NAALADL2: variants seen among roughly 807,000 people sequenced by gnomAD.
The protein encoded by NAALADL2 is inactive N-acetylated-alpha-linked acidic dipeptidase-like protein 2.
A neutral mutation model predicts 87.2 loss-of-function variants in NAALADL2; 76 were observed. The ratio of observed to expected loss-of-function variants is 0.87; its 90% CI spans 0.72 to 1.05. The LOEUF (loss-of-function observed/expected upper bound fraction) is 1.05. NAALADL2 is among the 50% of genes least tolerant of loss of function. The pLI is 0.00. For missense variants in NAALADL2, 1,089 were observed against 945.8 expected, an observed-to-expected ratio of 1.15 and a Z score of -1.99; for synonymous variants, 354 against 331.0, an observed-to-expected ratio of 1.07 and a Z score of -0.75.
At chr3:175,075,515 G>C (rs935393331) in intron 1 of NAALADL2, among the ~76,000 whole-genome samples, 38 of 152,234 alleles carry the variant, frequency 2.5e-4, no homozygotes, top group Non-Finnish European at 4.7e-4. Context: ...AAATAGTGAT[G>C]CAATTTTCAT....
intron 11 of NAALADL2, among the ~76,000 whole-genome samples, chr3:175,728,350 A>G (rs1743217464): frequency 6.6e-6 from 1 of 152,168 alleles, no homozygotes; most frequent in South Asian, 2.1e-4. Context: ...TTATGGATAC[A>G]TGTATTTTGT....
At chr3:175,753,245 G>A (rs990010177) in intron 12 of NAALADL2, among the ~76,000 whole-genome samples, 2 of 152,092 alleles carry the variant, frequency 1.3e-5, no homozygotes, top group Non-Finnish European at 1.5e-5. Context: ...CTTCTACCAC[G>A]ATTTTTAACT....
chr3:175,144,641 C>T (rs1730501965), intron 2 of NAALADL2, among the ~76,000 whole-genome samples: 1 of 151,890 alleles, frequency 6.6e-6, no homozygotes, highest in Non-Finnish European at 1.5e-5. Context: ...ATGCTATATA[C>T]AGAATTTTGT....
chr3:175,392,125 T>C (rs1769155472), intron 5 of NAALADL2, among the ~76,000 whole-genome samples: 1 of 152,232 alleles, frequency 6.6e-6, no homozygotes, highest in Non-Finnish European at 1.5e-5. Context: ...AATGACATGA[T>C]TTCAGCCTTC....
intron 11 of NAALADL2, among the ~76,000 whole-genome samples, chr3:175,669,858 T>A (rs1158533991): frequency 6.6e-6 from 1 of 152,056 alleles, no homozygotes; most frequent in Non-Finnish European, 1.5e-5. Context: ...TGAAATAGTA[T>A]TTCATAAGTG....
intron 5 of NAALADL2, among the ~76,000 whole-genome samples, chr3:175,397,614 A>C (rs1261986431): frequency 6.6e-6 from 1 of 152,130 alleles, no homozygotes; most frequent in Non-Finnish European, 1.5e-5. Flanking sequence ...GTCCCTTCTT[A>C]TTCTCTAACA....
At position 174,494,959 on chromosome 3, in the gene NAALADL2, A is replaced by G. The variant is rs567089550; in HGVS notation, c.-184+53927A>G. Among the ~76,000 whole-genome samples, 4 of 152,300 alleles carry G rather than the reference A, an allele frequency of 2.6e-5. No homozygotes were observed. The East Asian group carries it at 7.7e-4, about 29-fold the overall frequency. ...TGGAGAATTTGCTTTGTGCAAATTTATATTCAGTCCAGTGGCAGCTTGCCC... is the reference window on the plus strand; with the variant it reads ...TGGAGAATTTGCTTTGTGCAAATTTGTATTCAGTCCAGTGGCAGCTTGCCC... On this transcript the variant is annotated intron_variant, in intron 1 of 3. Coordinates refer to the NAALADL2 transcript ENST00000434257.
chr3:174,631,070 T>C (rs60507456), intron 2 of NAALADL2, among the ~76,000 whole-genome samples: 4,105 of 152,208 alleles, frequency 0.027, 122 homozygotes, highest in African/African-American at 0.07. Flanking sequence ...CTATAGATTC[T>C]GCACATATTA....
At chr3:175,561,469 A>C (rs966303522) in intron 9 of NAALADL2, among the ~76,000 whole-genome samples, 1 of 152,174 alleles carries the variant, frequency 6.6e-6, no homozygotes, top group Non-Finnish European at 1.5e-5. Flanking sequence ...ACCCAAAAAC[A>C]TAGTACCTGC....
chr3:174,689,170 TTC>T (rs1728323907), intron 2 of NAALADL2, among the ~76,000 whole-genome samples: 1 of 152,106 alleles, frequency 6.6e-6, no homozygotes, highest in Admixed American at 6.6e-5. Flanking sequence ...CCTGTTTTAT[TTC>T]TCTCTCATGA....
chr3:174,925,063 T>G (rs939495054), intron 1 of NAALADL2, among the ~76,000 whole-genome samples: 2 of 152,194 alleles, frequency 1.3e-5, no homozygotes, highest in African/African-American at 4.8e-5. Context: ...GTGTGTAAGC[T>G]CTTTCGTTTA....
chr3:175,394,715 C>T (rs1769538438), intron 5 of NAALADL2, among the ~76,000 whole-genome samples: 1 of 152,166 alleles, frequency 6.6e-6, no homozygotes. Flanking sequence ...AAGTGGATGC[C>T]TGAAACCACA....
chr3:175,733,904 T>C (rs1561055262), intron 11 of NAALADL2, among the ~76,000 whole-genome samples: 1 of 152,240 alleles, frequency 6.6e-6, no homozygotes, highest in African/African-American at 2.4e-5. Context: ...TTTGACTCCA[T>C]GTCTCACATC....
At chr3:175,426,090 G>T (rs558092254) in intron 5 of NAALADL2, among the ~76,000 whole-genome samples, 3 of 152,276 alleles carry the variant, frequency 2.0e-5, no homozygotes, top group South Asian at 4.1e-4. Flanking sequence ...ATGGCCGGGT[G>T]CAGTGGCTCA....
intron 9 of NAALADL2, among the ~76,000 whole-genome samples, chr3:175,475,636 G>C (rs1227801181): frequency 6.6e-6 from 1 of 152,170 alleles, no homozygotes; most frequent in Non-Finnish European, 1.5e-5. Flanking sequence ...TGCAGCACCT[G>C]CCAGAAACTG....
intron 2 of NAALADL2, among the ~76,000 whole-genome samples, chr3:175,174,741 A>C (rs899906796): frequency 6.6e-6 from 1 of 150,658 alleles, no homozygotes; most frequent in Non-Finnish European, 1.5e-5. Flanking sequence ...ATATAACCCA[A>C]GAGTTTATAT....
intron 13 of NAALADL2, among the ~76,000 whole-genome samples, chr3:175,771,757 A>G (rs1749514853): frequency 6.6e-6 from 1 of 152,200 alleles, no homozygotes; most frequent in African/African-American, 2.4e-5. Context: ...CCGTAATCAC[A>G]TCTGTATTAG....
At chr3:175,718,330 A>G (rs1561028565) in intron 11 of NAALADL2, 21 of 1,600,434 alleles carry the variant, frequency 1.3e-5, no homozygotes, top group Middle Eastern at 4.5e-4. Context: ...ATGCTATATG[A>G]ATTCTGCCAT....
chr3:174,613,210 C>T (rs1393128153), intron 2 of NAALADL2, among the ~76,000 whole-genome samples: 1 of 152,210 alleles, frequency 6.6e-6, no homozygotes, highest in Non-Finnish European at 1.5e-5. Flanking sequence ...CATGTGGCCA[C>T]CATCACCAGG....
Sources: allele counts gnomAD v4.1 joint callset (sites outside exome capture counted in the v4.1 genomes callset), GRCh38; gene constraint gnomAD v4.1.1; transcripts MANE v1.5; gene names NCBI Gene and HGNC (gene_info 2026-07-23, HGNC 2026-07-21).